ADARB2: variants seen among roughly 807,000 people sequenced by gnomAD.
ADARB2 encodes the protein adenosine deaminase RNA specific B2 (inactive), also known as inactive double-stranded RNA-specific editase B2.
Under a neutral mutation model 62.2 loss-of-function variants are expected in ADARB2, and 25 were observed. The observed-to-expected ratio is 0.40, with a 90% CI of 0.29 to 0.56. The LOEUF is 0.56. ADARB2 is among the 20% of genes least tolerant of loss of function. ADARB2 has a pLI of 0.43. For missense variants in ADARB2, 1,071 were observed against 1,077.4 expected, an observed-to-expected ratio of 0.99 and a Z score of 0.08; for synonymous variants, 572 against 500.8, an observed-to-expected ratio of 1.14 and a Z score of -1.90.
intron 1 of ADARB2, among the ~76,000 whole-genome samples, chr10:1,594,304 AAAAC>A (rs1180778664): frequency 1.3e-5 from 2 of 152,100 alleles, no homozygotes; most frequent in African/African-American, 2.4e-5. Flanking sequence ...AGAAAATCAA[AAAAC>A]AAACAAAACA....
intron 1 of ADARB2, among the ~76,000 whole-genome samples, chr10:1,486,210 C>CTGTGTGTGTGTGTGTGTGTG (rs61283089): frequency 7.0e-6 from 1 of 142,858 alleles, no homozygotes; most frequent in African/African-American, 2.5e-5. Flanking sequence ...GTGTGGACGC[C>CTGTGTGTGTGTGTGTGTGTG]TGTGTGTGTG....
intron 1 of ADARB2, among the ~76,000 whole-genome samples, chr10:1,568,769 C>A (rs1832892401): frequency 6.6e-6 from 1 of 151,728 alleles, no homozygotes; most frequent in Admixed American, 6.6e-5. Context: ...TGAATCTAAA[C>A]TTCTGTGTGC....
rs530556293 is a variant in ADARB2, at chr10:1,245,602, C to T, written c.1193-3303G>A. Among the ~76,000 whole-genome samples, 4 of 151,156 alleles carry T rather than the reference C, an allele frequency of 2.6e-5. No homozygotes were observed. In the Admixed American group the frequency reaches 2.7e-4, roughly 10 times the overall value. On this transcript the variant is annotated intron_variant, in intron 4 of 9. Coordinates refer to ENST00000381312, the MANE Select transcript of ADARB2 (RefSeq NM_018702.4). ...GACATGCGGTGTTTGGTTTTTTGTC[C>T]TTGTGATAGTTTGCTGAGAATGATG...
intron 1 of ADARB2, among the ~76,000 whole-genome samples, chr10:1,405,725 A>T (rs901231552): frequency 9.9e-5 from 15 of 152,162 alleles, no homozygotes. Flanking sequence ...GCCTCTAAGA[A>T]GCTGTGCACC....
At chr10:1,302,549 C>G (rs1831584572) in intron 3 of ADARB2, among the ~76,000 whole-genome samples, 1 of 152,190 alleles carries the variant, frequency 6.6e-6, no homozygotes, top group African/African-American at 2.4e-5. Context: ...GCCTGCGTGC[C>G]TCTGTAGGCT....
chr10:1,209,478 CCCA>C (rs1837117020), intron 7 of ADARB2, among the ~76,000 whole-genome samples: 1 of 135,050 alleles, frequency 7.4e-6, no homozygotes, highest in African/African-American at 3.4e-5. Context: ...CACACCCATG[CCCA>C]TGCCTACACT....
In ADARB2 at chr10:1,675,513, G is replaced by T. The variant is rs529598060; in HGVS notation, c.100+61538C>A. ...GATGTTCTGGAGGTTTGGGTTTGGG[G>T]ATGCGTGGATGTTCAGGAGGTTTGG... On this transcript the variant is annotated intron_variant, in intron 1 of 9. Transcript: ENST00000381312. 348 of 950,576 alleles carry T rather than the reference G, an allele frequency of 3.7e-4. 2 individuals carry two copies. Among genetic ancestry groups the T allele is most frequent in the Non-Finnish European group, 4.3e-4 (341 of 799,594 alleles). The allele number at this position is 950,576 out of a possible 1,614,324, so 58.9% of individuals were successfully genotyped here.
rs76124039 is a variant in ADARB2, at chr10:1,384,341, A to G, written c.101-5181T>C. On this transcript the variant is annotated intron_variant, in intron 1 of 9. Coordinates refer to ENST00000381312, the MANE Select transcript of ADARB2 (RefSeq NM_018702.4). Reference sequence around the variant, plus strand: ...AAATTCTTTCTGATCTATTGAAACCAAAAAGGGAAATGGTAAGTGCATTAT... The same window carrying G: ...AAATTCTTTCTGATCTATTGAAACCGAAAAGGGAAATGGTAAGTGCATTAT... 3.9e-3 allele frequency among the ~76,000 whole-genome samples: 592 copies of G among 152,348 alleles called. 2 individuals are homozygous for G. Among genetic ancestry groups the G allele is most frequent in the Admixed American group, 6.9e-3 (106 of 15,306 alleles).
At chr10:1,471,084 A>C (rs1277175799) in intron 1 of ADARB2, among the ~76,000 whole-genome samples, 1 of 151,910 alleles carries the variant, frequency 6.6e-6, no homozygotes, top group Admixed American at 6.6e-5. Flanking sequence ...AACCCAAAAA[A>C]CACCTCCCAT....
At chr10:1,502,113 T>A (rs935711990) in intron 1 of ADARB2, among the ~76,000 whole-genome samples, 2 of 152,334 alleles carry the variant, frequency 1.3e-5, no homozygotes, top group African/African-American at 4.8e-5. Flanking sequence ...CCACACAGTG[T>A]CCACCTGGGT....
At chr10:1,448,688 G>A (rs1830999698) in intron 1 of ADARB2, among the ~76,000 whole-genome samples, 2 of 152,300 alleles carry the variant, frequency 1.3e-5, no homozygotes, top group East Asian at 3.9e-4. Context: ...GGCCAGACAT[G>A]TAAGTTTCCC....
chr10:1,624,649 C>A (rs1833745170), intron 1 of ADARB2, among the ~76,000 whole-genome samples: 1 of 150,206 alleles, frequency 6.7e-6, no homozygotes, highest in Admixed American at 6.6e-5. Flanking sequence ...ACACATGTAA[C>A]TCTTTATTAA....
chr10:1,543,822 T>A (rs1221187543), intron 1 of ADARB2, among the ~76,000 whole-genome samples: 3 of 152,094 alleles, frequency 2.0e-5, no homozygotes, highest in African/African-American at 7.2e-5. Flanking sequence ...CAGCAAAGAC[T>A]CATTAAGTTT....
intron 1 of ADARB2, among the ~76,000 whole-genome samples, chr10:1,405,798 C>A (rs1264244406): frequency 1.3e-5 from 2 of 152,030 alleles, no homozygotes; most frequent in East Asian, 3.9e-4. Flanking sequence ...CGCCAAGATG[C>A]ACCCATTTAT....
chr10:1,708,145 T>C (rs533580337), intron 1 of ADARB2, among the ~76,000 whole-genome samples: 12 of 152,312 alleles, frequency 7.9e-5, no homozygotes, highest in Non-Finnish European at 1.8e-4. Flanking sequence ...CTTCTGTCCC[T>C]TGGGGTTCCA....
chr10:1,268,956 G>A (rs1257119298), intron 4 of ADARB2, among the ~76,000 whole-genome samples: 1 of 152,180 alleles, frequency 6.6e-6, no homozygotes, highest in African/African-American at 2.4e-5. Context: ...AAACTTGCCA[G>A]ATTTGTTTCC....
chr10:1,232,835 TG>T (rs563149452), intron 6 of ADARB2, among the ~76,000 whole-genome samples: 18 of 151,008 alleles, frequency 1.2e-4, no homozygotes, highest in Middle Eastern at 3.4e-3. Flanking sequence ...ATATGTGGTA[TG>T]TGTGTGGTAT....
intron 1 of ADARB2, among the ~76,000 whole-genome samples, chr10:1,618,009 C>T (rs991294105): frequency 3.9e-5 from 6 of 152,292 alleles, no homozygotes; most frequent in Admixed American, 2.6e-4. Context: ...TGCATCTCCC[C>T]GGGAGCTTCA....
chr10:1,555,123 A>G (rs537174139), intron 1 of ADARB2, among the ~76,000 whole-genome samples: 15 of 152,176 alleles, frequency 9.9e-5, no homozygotes, highest in Non-Finnish European at 1.6e-4. Flanking sequence ...TATCCAGTTC[A>G]CCGCTCATGG....
Sources: allele counts gnomAD v4.1 joint callset (sites outside exome capture counted in the v4.1 genomes callset), GRCh38; gene constraint gnomAD v4.1.1; transcripts MANE v1.5; gene names NCBI Gene and HGNC (gene_info 2026-07-23, HGNC 2026-07-21).